Variants in ITIH5 observed in about 807,000 individuals in gnomAD.
ITIH5 encodes the protein inter-alpha-trypsin inhibitor heavy chain H5.
In ITIH5, 65 loss-of-function variants were observed where a neutral mutation model predicts 77.5. The observed-to-expected ratio is 0.84, with a 90% CI of 0.69 to 1.03. The LOEUF is 1.03. ITIH5 is among the 50% of genes least tolerant of loss of function. ITIH5 has a pLI of 0.00. For synonymous variants in ITIH5, 525 were observed against 494.3 expected, an observed-to-expected ratio of 1.06 and a Z score of -0.82; for missense variants, 1,208 against 1,213.1, an observed-to-expected ratio of 1.00 and a Z score of 0.06.
At chr10:7,621,116 A>G (rs763203949) in intron 5 of ITIH5, 2 of 152,230 alleles carry the variant, frequency 1.3e-5, no homozygotes, top group Non-Finnish European at 1.5e-5. Context: ...ATAGGCATGT[A>G]GCTTACACAT....
At chr10:7,633,736 G>A (rs964915608) in intron 5 of ITIH5, among the ~76,000 whole-genome samples, 1 of 152,098 alleles carries the variant, frequency 6.6e-6, no homozygotes, top group Non-Finnish European at 1.5e-5. Context: ...CAAGTGCTTA[G>A]TCTAGTATCT....
chr10:7,642,170 C>T (rs1833901664), intron 2 of ITIH5, 80 bp from the exon 3 acceptor site: 1 of 1,123,636 alleles, frequency 8.9e-7, no homozygotes, highest in Non-Finnish European at 1.3e-6. Context: ...TTTTTTTTTC[C>T]ACAAGGGAAA....
chr10:7,660,283 G>C (rs1834256164), intron 1 of ITIH5, among the ~76,000 whole-genome samples: 1 of 152,226 alleles, frequency 6.6e-6, no homozygotes, highest in East Asian at 1.9e-4. Flanking sequence ...GACCGTGAAA[G>C]GCTTTATGAA....
intron 8 of ITIH5, among the ~76,000 whole-genome samples, chr10:7,583,023 G>A (rs760812979): frequency 2.0e-5 from 3 of 152,180 alleles, no homozygotes; most frequent in Non-Finnish European, 4.4e-5. Context: ...ACAAATGCTT[G>A]AGGTGATGGA....
chr10:7,644,099 G>A (rs1833930128), intron 2 of ITIH5, among the ~76,000 whole-genome samples: 1 of 152,086 alleles, frequency 6.6e-6, no homozygotes, highest in South Asian at 2.1e-4. Flanking sequence ...TTAACTGCGT[G>A]TGGTGGTGCA....
At chr10:7,650,899 G>A (rs959064536) in intron 2 of ITIH5, among the ~76,000 whole-genome samples, 5 of 152,086 alleles carry the variant, frequency 3.3e-5, no homozygotes, top group Non-Finnish European at 7.3e-5. Context: ...TACAGTCTAC[G>A]TAGTGATGTT....
rs1203190123 is a variant in ITIH5 at position 7,563,079 on chromosome 10, A to T, written c.*4T>A. ...ATGCACTTGCATCTTTAAGGCTGCCAGCTTCAGAGCTCCCTGGACATTCCC... is the reference window on the plus strand; with the variant it reads ...ATGCACTTGCATCTTTAAGGCTGCCTGCTTCAGAGCTCCCTGGACATTCCC... On this transcript the variant is annotated 3_prime_UTR_variant, in exon 14 of 14. Coordinates refer to ENST00000397146, the MANE Select transcript of ITIH5 (RefSeq NM_030569.7). The T allele has an allele frequency of 1.2e-6, 2 of 1,613,140 alleles. No individual in the cohort carries two copies. Among genetic ancestry groups the T allele is most frequent in the Non-Finnish European group, 1.7e-6 (2 of 1,179,268 alleles).
In ITIH5 at chr10:7,629,350, C is replaced by A. The variant is rs111599999; in HGVS notation, c.652+7878G>T. Among the ~76,000 whole-genome samples the A allele has an allele frequency of 7.4e-3, 849 of 114,294 alleles. 46 individuals carry two copies. The highest frequency in any genetic ancestry group is 0.02 in the African/African-American group (522 of 25,662). The allele number at this position is 114,294 out of a possible 152,430, so 75.0% of individuals were successfully genotyped here. A position where few individuals can be genotyped will look rare whatever the true frequency, so the allele number is the denominator to read the frequency against. On this transcript the variant is annotated intron_variant, in intron 5 of 13. Transcript: ENST00000397146. ...GTTGTAGCGTGTGCCCATGTTGTAGCGTGTGTCCCTGTTGTAGCGTGTGTC... is the reference window on the plus strand; with the variant it reads ...GTTGTAGCGTGTGCCCATGTTGTAGAGTGTGTCCCTGTTGTAGCGTGTGTC...
chr10:7,664,526 C>T (rs1170881602), intron 1 of ITIH5, among the ~76,000 whole-genome samples: 1 of 151,980 alleles, frequency 6.6e-6, no homozygotes, highest in Non-Finnish European at 1.5e-5. Context: ...GTTTAATGAA[C>T]ACCCCAAGTG....
At chr10:7,639,786 C>A (rs1280150036) in intron 4 of ITIH5, among the ~76,000 whole-genome samples, 1 of 151,984 alleles carries the variant, frequency 6.6e-6, no homozygotes, top group African/African-American at 2.4e-5. Flanking sequence ...TGTTTAGATT[C>A]CATTTATAAA....
Position 7,579,874 on chromosome 10 carries a change from G to A in ITIH5, c.1299C>T (p.Ile433=). 1 of 1,614,234 alleles carries A rather than the reference G, an allele frequency of 6.2e-7. No homozygotes were observed. Among genetic ancestry groups the A allele is most frequent in the Non-Finnish European group, 8.5e-7 (1 of 1,180,032 alleles). Residue 433 remains isoleucine, a synonymous_variant, in exon 9 of 14, where the codon ATC becomes ATT. Transcript: ENST00000397146. ...CGTCGTTGCCGATGCCAATGGTGAA[G>A]ATGCAGACTTGGCCTCGGGCGGCCT... is the stretch of plus-strand genomic sequence containing the variant. ...TREAARGQVC[I]FTIGIGNDVD...
chr10:7,586,759 A>G (rs996616221), intron 7 of ITIH5, among the ~76,000 whole-genome samples: 10 of 152,224 alleles, frequency 6.6e-5, no homozygotes, highest in Admixed American at 6.5e-4. Context: ...CTGGAGTGAC[A>G]TGAGGCCTTA....
chr10:7,637,232 C>G lies in ITIH5; in HGVS notation c.648G>C (p.Gly216=). Residue 216 remains glycine, a synonymous_variant, in exon 5 of 14, where the codon GGG becomes GGC. Coordinates refer to ENST00000397146, the MANE Select transcript of ITIH5 (RefSeq NM_030569.7). ...HNSRQRGSGR[G]EDDSGPPPST... Reference sequence around the variant, plus strand: ...AACCCAGCACGCAGGACTCACCTTCCCCGCGCCCACTGCCCCTCTGCCTGC... The same window carrying G: ...AACCCAGCACGCAGGACTCACCTTCGCCGCGCCCACTGCCCCTCTGCCTGC... 1 of 1,606,824 alleles carries G rather than the reference C, an allele frequency of 6.2e-7. No individual in the cohort carries two copies. Among genetic ancestry groups the G allele is most frequent in the Non-Finnish European group, 8.5e-7 (1 of 1,179,728 alleles).
At chr10:7,655,993 T>C (rs1834176091) in intron 1 of ITIH5, among the ~76,000 whole-genome samples, 1 of 152,186 alleles carries the variant, frequency 6.6e-6, no homozygotes, top group African/African-American at 2.4e-5. Flanking sequence ...AGTATTTGTA[T>C]TCTGTTTCAT....
intron 7 of ITIH5, among the ~76,000 whole-genome samples, chr10:7,610,213 A>G (rs1383436404): frequency 2.0e-5 from 3 of 151,870 alleles, no homozygotes; most frequent in Non-Finnish European, 2.9e-5. Context: ...GGGAGGGAAA[A>G]CAGCAAAGCC....
At chr10:7,570,119 C>T (rs1832268130) in intron 11 of ITIH5, 1 of 177,462 alleles carries the variant, frequency 5.6e-6, no homozygotes, top group African/African-American at 2.4e-5. Flanking sequence ...TCAACTGGTA[C>T]TCAGCCCCCA....
chr10:7,645,227 T>C (rs965827104), intron 2 of ITIH5, among the ~76,000 whole-genome samples: 5 of 152,112 alleles, frequency 3.3e-5, no homozygotes, highest in Non-Finnish European at 5.9e-5. Context: ...ACATTTACAG[T>C]TCATTTAAGT....
intron 7 of ITIH5, chr10:7,609,492 G>A (rs1406161187): frequency 2.2e-6 from 1 of 456,680 alleles, no homozygotes. Flanking sequence ...AGAAACCAAT[G>A]TCCTAGAGCA....
At chr10:7,646,250 C>T (rs868291528) in intron 2 of ITIH5, among the ~76,000 whole-genome samples, 49 of 152,306 alleles carry the variant, frequency 3.2e-4, no homozygotes, top group African/African-American at 1.2e-3. Context: ...TTATCATTCT[C>T]TGCTTTATTT....
Sources: allele counts gnomAD v4.1 joint callset (sites outside exome capture counted in the v4.1 genomes callset), GRCh38; gene constraint gnomAD v4.1.1; transcripts MANE v1.5; gene names NCBI Gene and HGNC (gene_info 2026-07-23, HGNC 2026-07-21).